Variants in RAD51B observed in about 807,000 individuals in gnomAD.
RAD51B encodes DNA repair protein RAD51 homolog 2.
A neutral mutation model predicts 42.2 loss-of-function variants in RAD51B; 38 were observed. The observed-to-expected ratio is 0.90, with a 90% CI of 0.70 to 1.18. The LOEUF (loss-of-function observed/expected upper bound fraction) is 1.18. Among genes scored for constraint, RAD51B ranks in the 50% most tolerant of loss-of-function variants. The pLI is 0.00. For missense variants in RAD51B, 373 were observed against 400.7 expected (o/e 0.93, Z 0.59); for synonymous variants, 154 against 145.2 (o/e 1.06, Z -0.43).
chr14:68,391,115 A>C (rs1022684816), intron 8 of RAD51B, among the ~76,000 whole-genome samples: 2 of 149,820 alleles, frequency 1.3e-5, no homozygotes, highest in Non-Finnish European at 3.0e-5. Flanking sequence ...TGGGAGATAA[A>C]TTATTAAATT....
intron 7 of RAD51B, among the ~76,000 whole-genome samples, chr14:68,241,670 A>AT (rs201509040): frequency 8.0e-5 from 12 of 150,406 alleles, no homozygotes; most frequent in South Asian, 4.2e-4. Flanking sequence ...CTCAGGTTTT[A>AT]TTTTTTTTTT....
chr14:68,538,406 G>T (rs1211065182), intron 10 of RAD51B, among the ~76,000 whole-genome samples: 3 of 152,192 alleles, frequency 2.0e-5, no homozygotes, highest in Non-Finnish European at 4.4e-5. Context: ...GATGTCCCAG[G>T]ACTCTGAATT....
chr14:68,101,698 G>C (rs2077292986), intron 7 of RAD51B, among the ~76,000 whole-genome samples: 1 of 152,194 alleles, frequency 6.6e-6, no homozygotes, highest in Admixed American at 6.5e-5. Flanking sequence ...TTCACAGGCT[G>C]GTGTTGAGTG....
Position 67,887,114 on chromosome 14 carries a change from A to G in RAD51B, c.666A>G (p.Ala222=). ...CTGTGGTCAGAAAGGAGTTTGATGC[A>G]CAACTTCAAGGCAATCTCAAAGAAA... is the stretch of plus-strand genomic sequence containing the variant. ...VASVVRKEFD[A]QLQGNLKERN... Residue 222 remains alanine (A), a synonymous_variant, in exon 7 of 11, where the codon GCA becomes GCG. Coordinates refer to ENST00000471583, the MANE Select transcript of RAD51B (RefSeq NM_133510.4). 6.2e-7 allele frequency: 1 copy of G among 1,607,104 alleles called. No individual in the cohort carries two copies. Among genetic ancestry groups the G allele is most frequent in the Non-Finnish European group, 8.5e-7 (1 of 1,174,350 alleles).
chr14:68,183,192 A>C (rs2079087900), intron 7 of RAD51B, among the ~76,000 whole-genome samples: 1 of 152,182 alleles, frequency 6.6e-6, no homozygotes, highest in South Asian at 2.1e-4. Flanking sequence ...GGAGCAAGGA[A>C]GCCAGTCCAA....
intron 7 of RAD51B, among the ~76,000 whole-genome samples, chr14:68,213,080 A>C (rs956356528): frequency 6.6e-6 from 1 of 152,190 alleles, no homozygotes; most frequent in Non-Finnish European, 1.5e-5. Context: ...TGTTCTATCC[A>C]ATTTTCTCAT....
At chr14:67,863,210 A>G (rs192090765) in intron 4 of RAD51B, among the ~76,000 whole-genome samples, 3 of 126,316 alleles carry the variant, frequency 2.4e-5, no homozygotes, top group African/African-American at 9.5e-5. Flanking sequence ...TGGCTGGTCT[A>G]GAACTCCTGG....
At chr14:67,838,043 G>A (rs551341871) in intron 4 of RAD51B, among the ~76,000 whole-genome samples, 3 of 152,134 alleles carry the variant, frequency 2.0e-5, no homozygotes, top group Non-Finnish European at 4.4e-5. Context: ...GAACATGCAA[G>A]GTTTGTCTTT....
At chr14:67,852,763 G>A (rs533565976) in intron 4 of RAD51B, among the ~76,000 whole-genome samples, 203 of 151,394 alleles carry the variant, frequency 1.3e-3, no homozygotes, top group Non-Finnish European at 2.1e-3. Context: ...ACATATGTAC[G>A]CATGCATGTG....
chr14:68,248,881 G>A (rs2080558499), intron 7 of RAD51B, among the ~76,000 whole-genome samples: 1 of 152,230 alleles, frequency 6.6e-6, no homozygotes, highest in South Asian at 2.1e-4. Flanking sequence ...CTTTGAAATG[G>A]CAGATTGGGA....
Position 68,373,442 on chromosome 14 carries a change from TA to T in RAD51B, c.854-37976del, listed in dbSNP as rs577134013. Reference sequence around the variant, plus strand: ...TACACTATGGAGTACTATGCAGCCCTAAAAAAGTGAGTTTATGTCCTTTTCA... The same window carrying T: ...TACACTATGGAGTACTATGCAGCCCTAAAAAGTGAGTTTATGTCCTTTTCA... On this transcript the variant is annotated intron_variant, in intron 8 of 10. Transcript: ENST00000471583. Among the ~76,000 whole-genome samples the T allele has an allele frequency of 4.4e-4, 67 of 152,268 alleles. No individual in the cohort carries two copies. The South Asian group carries it at 0.013, about 30-fold the overall frequency.
intron 7 of RAD51B, among the ~76,000 whole-genome samples, chr14:67,964,282 C>T (rs891562636): frequency 3.9e-5 from 6 of 151,918 alleles, no homozygotes; most frequent in East Asian, 1.9e-4. Context: ...GGGATTCTGG[C>T]GAGAAAGAAA....
chr14:68,019,764 C>T (rs995014271), intron 7 of RAD51B, among the ~76,000 whole-genome samples: 2 of 152,128 alleles, frequency 1.3e-5, no homozygotes, highest in Non-Finnish European at 2.9e-5. Context: ...AAAAAAGAGA[C>T]ATCTATCTTA....
chr14:68,027,534 T>C (rs2075973959), intron 7 of RAD51B, among the ~76,000 whole-genome samples: 1 of 152,228 alleles, frequency 6.6e-6, no homozygotes, highest in South Asian at 2.1e-4. Context: ...TGTTCATTTT[T>C]TAAAATTCTT....
At chr14:67,977,285 T>TA (rs1219292603) in intron 7 of RAD51B, among the ~76,000 whole-genome samples, 2 of 152,228 alleles carry the variant, frequency 1.3e-5, no homozygotes, top group African/African-American at 4.8e-5. Flanking sequence ...CACCTGTATG[T>TA]AAAAAATCCT....
At position 67,940,526 on chromosome 14, in the gene RAD51B, G is replaced by T. The variant is rs920365331; in HGVS notation, c.756+53322G>T. 9.2e-5 allele frequency among the ~76,000 whole-genome samples: 14 copies of T among 152,116 alleles called. No homozygotes were observed. The East Asian group carries it at 2.3e-3, about 25-fold the overall frequency. On this transcript the variant is annotated intron_variant, in intron 7 of 10. Coordinates refer to ENST00000471583, the MANE Select transcript of RAD51B (RefSeq NM_133510.4). Reference sequence around the variant, plus strand: ...TTTTTGGAAACACAATAACAATAGTGTAGAAGTCTTTTCACATTGCCTGAC... The same window carrying T: ...TTTTTGGAAACACAATAACAATAGTTTAGAAGTCTTTTCACATTGCCTGAC...
At chr14:68,137,694 A>G (rs2078039224) in intron 7 of RAD51B, among the ~76,000 whole-genome samples, 2 of 152,240 alleles carry the variant, frequency 1.3e-5, no homozygotes, top group Non-Finnish European at 2.9e-5. Flanking sequence ...AAAGAACTAC[A>G]GTCCACAGGT....
At chr14:68,343,300 C>T (rs1187340125) in intron 8 of RAD51B, among the ~76,000 whole-genome samples, 5 of 152,184 alleles carry the variant, frequency 3.3e-5, no homozygotes, top group African/African-American at 9.6e-5. Flanking sequence ...CAAAGGTTGT[C>T]GCTTCATGCA....
intron 7 of RAD51B, among the ~76,000 whole-genome samples, chr14:68,253,293 A>G (rs772446617): frequency 2.6e-5 from 4 of 151,462 alleles, no homozygotes; most frequent in African/African-American, 7.3e-5. Flanking sequence ...TTTTTTTTTC[A>G]TGTAACATTA....
Sources: gnomAD v4.1 joint callset for allele counts (sites outside exome capture counted in the v4.1 genomes callset) on GRCh38, gnomAD v4.1.1 for gene constraint, MANE v1.5 for transcripts, NCBI Gene and HGNC (gene_info 2026-07-23, HGNC 2026-07-21) for gene names.